Variants in PHTF2 observed in about 807,000 individuals in gnomAD.
PHTF2 encodes the protein protein PHTF2.
PHTF2 carries 60 observed loss-of-function variants against 101.2 expected under a neutral mutation model. That is an observed-to-expected ratio of 0.59 (90% confidence interval 0.48 to 0.73). PHTF2 has a LOEUF of 0.73. PHTF2 is among the 30% of genes least tolerant of loss of function. PHTF2 has a pLI of 0.00. For synonymous variants in PHTF2, 311 were observed against 307.3 expected (o/e 1.01, Z -0.13); for missense variants, 747 against 908.7 (o/e 0.82, Z 2.29).
intron 9 of PHTF2, among the ~76,000 whole-genome samples, chr7:77,917,046 T>C (rs1258698496): frequency 6.6e-6 from 1 of 152,232 alleles, no homozygotes; most frequent in Non-Finnish European, 1.5e-5. Flanking sequence ...TTTTTCTAAC[T>C]CCATCATTCC....
chr7:77,924,727 T>C (rs1018300504), intron 11 of PHTF2, among the ~76,000 whole-genome samples: 15 of 152,188 alleles, frequency 9.9e-5, no homozygotes, highest in African/African-American at 3.4e-4. Context: ...AGATAAACTT[T>C]TTAGGGGCAT....
chr7:77,824,082 C>T (rs930667191), intron 1 of PHTF2, among the ~76,000 whole-genome samples: 5 of 151,886 alleles, frequency 3.3e-5, no homozygotes, highest in African/African-American at 7.3e-5. Flanking sequence ...ATGACAAATA[C>T]GTTATATTAA....
exon 14 of PHTF2, chr7:77,940,277 G>C (rs1805532106): frequency 6.2e-7 from 1 of 1,612,286 alleles, no homozygotes. Context: ...TTTTTGCTCT[G>C]TGTAGCAGAA....
intron 3 of PHTF2, among the ~76,000 whole-genome samples, chr7:77,868,398 G>C (rs1338280891): frequency 1.4e-5 from 2 of 138,236 alleles, no homozygotes; most frequent in African/African-American, 5.6e-5. Context: ...TGAACTCCCG[G>C]CTTCAAGCAA....
intron 3 of PHTF2, among the ~76,000 whole-genome samples, chr7:77,880,064 A>G (rs969077630): frequency 5.3e-5 from 8 of 152,242 alleles, no homozygotes; most frequent in African/African-American, 1.9e-4. Flanking sequence ...CAGTTGCTCT[A>G]CTGTTGACAT....
chr7:77,895,697 CTT>C (rs1800815950), intron 5 of PHTF2, among the ~76,000 whole-genome samples: 1 of 152,046 alleles, frequency 6.6e-6, no homozygotes, highest in Non-Finnish European at 1.5e-5. Context: ...TAAAAGAACT[CTT>C]TTAAATCCTA....
At chr7:77,937,817 C>T in exon 13 of PHTF2, 2 of 1,536,446 alleles carry the variant, frequency 1.3e-6, no homozygotes, top group South Asian at 1.3e-5. Flanking sequence ...TACTTGAAAT[C>T]AGTGGAATGA....
At chr7:77,904,153 A>G (rs895005286) in intron 7 of PHTF2, among the ~76,000 whole-genome samples, 3 of 152,212 alleles carry the variant, frequency 2.0e-5, no homozygotes, top group Admixed American at 6.5e-5. Context: ...TCAAGATGCA[A>G]TCTGAGTTTT....
intron 9 of PHTF2, among the ~76,000 whole-genome samples, chr7:77,917,988 C>T (rs1216891360): frequency 1.3e-5 from 2 of 152,068 alleles, no homozygotes; most frequent in Admixed American, 6.6e-5. Flanking sequence ...GGGAGAGAAA[C>T]AACCCAGAGA....
chr7:77,849,949 A>G (rs2150616228), intron 2 of PHTF2, among the ~76,000 whole-genome samples: 1 of 152,242 alleles, frequency 6.6e-6, no homozygotes, highest in South Asian at 2.1e-4. Flanking sequence ...TATCATCTGT[A>G]AACAAGGATA....
At chr7:77,824,262 T>G (rs1794535040) in intron 1 of PHTF2, among the ~76,000 whole-genome samples, 1 of 151,434 alleles carries the variant, frequency 6.6e-6, no homozygotes, top group South Asian at 2.1e-4. Flanking sequence ...CTGGTTTGTT[T>G]TTTTTTTTTT....
At chr7:77,883,591 C>G (rs1346230430) in intron 3 of PHTF2, among the ~76,000 whole-genome samples, 1 of 152,074 alleles carries the variant, frequency 6.6e-6, no homozygotes. Context: ...CAAATGTGAT[C>G]CTGTCAACAA....
chr7:77,817,937 A>G (rs975245080), intron 1 of PHTF2, among the ~76,000 whole-genome samples: 1 of 151,822 alleles, frequency 6.6e-6, no homozygotes, highest in East Asian at 1.9e-4. Context: ...GTGAACCCCC[A>G]TCTCTACTAA....
At chr7:77,885,129 T>G (rs140559165) in intron 3 of PHTF2, among the ~76,000 whole-genome samples, 67 of 152,322 alleles carry the variant, frequency 4.4e-4, no homozygotes, top group African/African-American at 1.5e-3. Context: ...TTGTTGTTGT[T>G]GTTACCTAGG....
chr7:77,845,218 C>G (rs949099977), intron 2 of PHTF2, among the ~76,000 whole-genome samples: 6 of 152,090 alleles, frequency 3.9e-5, no homozygotes, highest in African/African-American at 1.4e-4. Flanking sequence ...AATATAGTGA[C>G]CTGTAAGATT....
chr7:77,838,555 T>C (rs1280815524), intron 1 of PHTF2, among the ~76,000 whole-genome samples: 1 of 152,304 alleles, frequency 6.6e-6, no homozygotes, highest in African/African-American at 2.4e-5. Flanking sequence ...ATAATTATAA[T>C]TGAAAACCTA....
chr7:77,937,616 G>A (rs1278619833), intron 12 of PHTF2, 94 bp from the exon 12 acceptor site: 3 of 384,850 alleles, frequency 7.8e-6, no homozygotes, highest in Admixed American at 4.6e-5. Context: ...TTAAAATTGT[G>A]TGTGTATATA....
chr7:77,925,891 A>G (rs1803953509), intron 11 of PHTF2, among the ~76,000 whole-genome samples: 1 of 152,032 alleles, frequency 6.6e-6, no homozygotes, highest in Admixed American at 6.6e-5. Flanking sequence ...CCCCGTCTCT[A>G]CGAAAAATAC....
chr7:77,888,967 C>T (rs902767937), intron 3 of PHTF2, among the ~76,000 whole-genome samples: 1 of 152,056 alleles, frequency 6.6e-6, no homozygotes, highest in African/African-American at 2.4e-5. Flanking sequence ...ATGGAAATAT[C>T]TGTTAGGGGT....
Sources: gnomAD v4.1 joint callset for allele counts (sites outside exome capture counted in the v4.1 genomes callset) on GRCh38, gnomAD v4.1.1 for gene constraint, MANE v1.5 for transcripts, NCBI Gene and HGNC (gene_info 2026-07-23, HGNC 2026-07-21) for gene names.